The following NEK1 variants were observed in gnomAD, a reference collection of about 807,000 sequenced individuals.
The protein encoded by NEK1 is NIMA related kinase 1, also known as serine/threonine-protein kinase Nek1.
In NEK1, 137 loss-of-function variants were observed where a neutral mutation model predicts 182.1. The ratio of observed to expected loss-of-function variants is 0.75; its 90% CI spans 0.65 to 0.87. NEK1 has a LOEUF of 0.87. Among genes scored for constraint, NEK1 ranks in the 40% least tolerant of loss-of-function variants. The pLI is 0.00. For synonymous variants in NEK1, 513 were observed against 492.2 expected (o/e 1.04, Z -0.56); for missense variants, 1,391 against 1,494.4 (o/e 0.93, Z 1.14).
chr4:169,404,150 A>G (rs1732176029), intron 32 of NEK1, among the ~76,000 whole-genome samples: 1 of 152,170 alleles, frequency 6.6e-6, no homozygotes, highest in Admixed American at 6.5e-5. Flanking sequence ...GATTTCATAA[A>G]ATTTTTGGGA....
intron 24 of NEK1, chr4:169,478,433 G>C (rs1276520075): frequency 6.6e-6 from 1 of 152,070 alleles, no homozygotes; most frequent in African/African-American, 2.4e-5. Flanking sequence ...GTACCAAGGA[G>C]GGACCACACA....
intron 23 of NEK1, among the ~76,000 whole-genome samples, chr4:169,500,273 A>C (rs1752182845): frequency 6.6e-6 from 1 of 152,028 alleles, no homozygotes; most frequent in Non-Finnish European, 1.5e-5. Flanking sequence ...GGTGGGAGTG[A>C]CCCGATTTTC....
At chr4:169,417,186 G>T (rs1403988985) in intron 31 of NEK1, among the ~76,000 whole-genome samples, 1 of 152,114 alleles carries the variant, frequency 6.6e-6, no homozygotes, top group East Asian at 1.9e-4. Flanking sequence ...TTCAGGCCAG[G>T]GTAACAGCAA....
At chr4:169,605,935 G>A (rs1771261864) in intron 2 of NEK1, among the ~76,000 whole-genome samples, 1 of 152,058 alleles carries the variant, frequency 6.6e-6, no homozygotes, top group Non-Finnish European at 1.5e-5. Flanking sequence ...AGAATCAAGA[G>A]ACAAGACTAG....
chr4:169,458,012 C>A (rs1743247787), intron 27 of NEK1, among the ~76,000 whole-genome samples: 1 of 151,502 alleles, frequency 6.6e-6, no homozygotes, highest in Non-Finnish European at 1.5e-5. Context: ...TTAACATAAT[C>A]CCAGCCAACC....
At chr4:169,602,472 AC>A (rs753327232) in intron 3 of NEK1, 41 bp downstream of exon 3, 16 of 1,080,062 alleles carry the variant, frequency 1.5e-5, no homozygotes, top group Middle Eastern at 4.1e-4. Context: ...CTCTATTGTA[AC>A]TAAACCATTA....
At position 169,507,074 on chromosome 4, in the gene NEK1, T is replaced by C; in HGVS notation, c.1970A>G (p.Glu657Gly). 1 of 1,610,110 alleles carries C rather than the reference T, an allele frequency of 6.2e-7. No homozygotes were observed. The highest frequency in any genetic ancestry group is 8.5e-7 in the Non-Finnish European group (1 of 1,178,202). The change falls in exon 23 of 36, where the codon GAG (glutamate) becomes GGG (glycine). Residue 657 changes from glutamate (E) to glycine (G), a missense_variant. This residue lies in a region of NEK1 where 1,216 missense variants were observed against 1,277.6 expected (regional missense o/e 0.95). Transcript: ENST00000507142. ...CACTTTTTTTTCTCTCTCATAAGCC[T>C]CCTTTCTCTTTCGTTCTAGTTGTTC... ...LKEQLERKRK[E>G]AYEREKKVWE... is the part of the protein sequence containing the mutation.
chr4:169,594,593 T>A (rs72692992), intron 5 of NEK1, among the ~76,000 whole-genome samples: 1 of 152,232 alleles, frequency 6.6e-6, no homozygotes, highest in Non-Finnish European at 1.5e-5. Flanking sequence ...AAGATCCTTA[T>A]AATTTTATTT....
chr4:169,422,577 A>C (rs1735673827), intron 31 of NEK1, among the ~76,000 whole-genome samples: 3 of 152,212 alleles, frequency 2.0e-5, no homozygotes, highest in Admixed American at 2.0e-4. Flanking sequence ...ATCCCACCTT[A>C]GTAAACAGAT....
rs537456365 is a variant in NEK1, at chr4:169,427,893, C to T, written c.2886-1659G>A. ...GGAGTGCAGTGGAATAATCATGGCT[C>T]ACCTCACTGCAGCCTTGATCTCCTG... On this transcript the variant is annotated intron_variant, in intron 29 of 35. Transcript: ENST00000507142. 2.0e-5 allele frequency among the ~76,000 whole-genome samples: 3 copies of T among 152,138 alleles called. No homozygotes were observed. In the East Asian group the frequency reaches 5.8e-4, roughly 29 times the overall value.
intron 18 of NEK1, among the ~76,000 whole-genome samples, chr4:169,540,197 TA>T (rs1759182152): frequency 6.6e-6 from 1 of 152,144 alleles, no homozygotes; most frequent in Admixed American, 6.6e-5. Context: ...TATAATTTAT[TA>T]AACAAATATT....
At chr4:169,543,763 T>G (rs1329530375) in intron 18 of NEK1, among the ~76,000 whole-genome samples, 1 of 152,204 alleles carries the variant, frequency 6.6e-6, no homozygotes, top group Admixed American at 6.5e-5. Context: ...GAATGGGAGT[T>G]GACTCATAAT....
intron 23 of NEK1, among the ~76,000 whole-genome samples, chr4:169,497,146 T>C (rs1196456759): frequency 1.3e-5 from 2 of 152,236 alleles, no homozygotes; most frequent in African/African-American, 2.4e-5. Context: ...GGTGTATGTG[T>C]CGAGGAATTT....
rs576601964 is a variant in NEK1 at position 169,504,916 on chromosome 4, G to A, written c.2007+2121C>T. Among the ~76,000 whole-genome samples, 8 of 152,196 alleles carry A rather than the reference G, an allele frequency of 5.3e-5. No individual in the cohort carries two copies. In the South Asian group the frequency reaches 1.7e-3, roughly 32 times the overall value. The stretch of plus-strand genomic sequence containing the variant: ...TGCAAAGAAAGGATAAATGCATGAG[G>A]TGATAGATACCCATTTACCCTAACG... On this transcript the variant is annotated intron_variant, in intron 23 of 35. Transcript: ENST00000507142.
chr4:169,602,084 TTC>T lies in NEK1; in HGVS notation c.136_137del (p.Glu46ArgfsTer21). 1 of 1,612,696 alleles carries T rather than the reference TTC, an allele frequency of 6.2e-7. No individual in the cohort carries two copies. Among genetic ancestry groups the T allele is most frequent in the Non-Finnish European group, 8.5e-7 (1 of 1,178,876 alleles). ...NISRMSSKER[E>X]ESRREVAVLA... ...ATACTGCAACTTCTCTCCTTGATTC[TTC>T]TCTTTCTTTACTGGACATCTTAAAT... On this transcript the variant is annotated frameshift_variant, in exon 4 of 36. Transcript: ENST00000507142. LOFTEE classifies it high-confidence loss of function.
intron 27 of NEK1, among the ~76,000 whole-genome samples, chr4:169,460,628 C>A (rs1743796518): frequency 6.6e-6 from 1 of 151,900 alleles, no homozygotes; most frequent in Non-Finnish European, 1.5e-5. Flanking sequence ...AAAATAAACT[C>A]AATGCCAAAA....
At chr4:169,476,080 A>G (rs1299367067) in intron 26 of NEK1, among the ~76,000 whole-genome samples, 1 of 152,182 alleles carries the variant, frequency 6.6e-6, no homozygotes, top group Non-Finnish European at 1.5e-5. Context: ...AAGACACAAG[A>G]AGCTCAATGA....
intron 5 of NEK1, among the ~76,000 whole-genome samples, chr4:169,592,087 T>C (rs1768616579): frequency 6.6e-6 from 1 of 152,064 alleles, no homozygotes; most frequent in South Asian, 2.1e-4. Flanking sequence ...AATGAAATAA[T>C]ACATACTGTA....
intron 27 of NEK1, 97 bp from the exon 28 acceptor site, chr4:169,438,356 G>T: frequency 2.4e-6 from 2 of 845,196 alleles, no homozygotes; most frequent in Non-Finnish European, 1.8e-6. Flanking sequence ...CTGCATTACT[G>T]CAACAGGCAA....
Sources: allele counts gnomAD v4.1 joint callset (sites outside exome capture counted in the v4.1 genomes callset), GRCh38; gene constraint gnomAD v4.1.1; regional missense constraint gnomAD v4.1.1; transcripts MANE v1.5; gene names NCBI Gene and HGNC (gene_info 2026-07-23, HGNC 2026-07-21).